Variants in POU2F1 observed in about 807,000 individuals in gnomAD.
The protein encoded by POU2F1 is POU class 2 homeobox 1.
In POU2F1, 16 loss-of-function variants were observed where a neutral mutation model predicts 84.9. The ratio of observed to expected loss-of-function variants is 0.19; its 90% confidence interval spans 0.13 to 0.29. The LOEUF (loss-of-function observed/expected upper bound fraction) is 0.29. Among genes scored for constraint, POU2F1 ranks in the 10% least tolerant of loss-of-function variants. The pLI is 1.00. For missense variants in POU2F1, 738 were observed against 942.6 expected, an observed-to-expected ratio of 0.78 and a Z score of 2.84; for synonymous variants, 368 against 368.3, an observed-to-expected ratio of 1.00 and a Z score of 0.01.
chr1:167,284,569 C>T (rs948920711), intron 1 of POU2F1, among the ~76,000 whole-genome samples: 2 of 151,984 alleles, frequency 1.3e-5, no homozygotes, highest in African/African-American at 4.8e-5. Flanking sequence ...TTTGCCTTTC[C>T]CATTGTGAAT....
intron 1 of POU2F1, among the ~76,000 whole-genome samples, chr1:167,241,239 T>C (rs1199230833): frequency 6.6e-6 from 1 of 152,218 alleles, no homozygotes; most frequent in Non-Finnish European, 1.5e-5. Flanking sequence ...GATTTGCCAG[T>C]GTAAAGCAAT....
chr1:167,365,431 C>A (rs1444469958), intron 2 of POU2F1, 36 bp from the exon 3 acceptor site: 19 of 1,443,806 alleles, frequency 1.3e-5, no homozygotes, highest in Non-Finnish European at 1.8e-5. Flanking sequence ...TCATTTATTT[C>A]TTTTAATAGT....
intron 1 of POU2F1, among the ~76,000 whole-genome samples, chr1:167,253,431 TGGGTTTTTTG>T (rs1175959751): frequency 6.9e-6 from 1 of 144,616 alleles, no homozygotes. Flanking sequence ...AATTGGTTAA[TGGGTTTTTTG>T]GGTTTTTTTG....
intron 8 of POU2F1, among the ~76,000 whole-genome samples, chr1:167,384,859 C>A (rs1647843078): frequency 6.6e-6 from 1 of 151,672 alleles, no homozygotes. Context: ...TGCAATAAGA[C>A]AATAAAATAA....
chr1:167,365,332 G>C (rs574053843), intron 2 of POU2F1, 135 bp from the exon 3 acceptor site: 14 of 542,872 alleles, frequency 2.6e-5, no homozygotes, highest in African/African-American at 2.6e-4. Flanking sequence ...CCTTTCTTTT[G>C]AATCCCTTCT....
intron 1 of POU2F1, among the ~76,000 whole-genome samples, chr1:167,235,503 G>A (rs187785430): frequency 2.2e-4 from 34 of 152,276 alleles, no homozygotes; most frequent in Non-Finnish European, 4.7e-4. Context: ...TATGCTGTTG[G>A]AATCACATCT....
chr1:167,413,506 A>G (rs553169884), intron 15 of POU2F1, among the ~76,000 whole-genome samples: 2 of 152,276 alleles, frequency 1.3e-5, no homozygotes, highest in African/African-American at 4.8e-5. Flanking sequence ...AAGACTCTCC[A>G]GTTCCCAGCT....
intron 1 of POU2F1, among the ~76,000 whole-genome samples, chr1:167,244,891 A>G (rs1377198767): frequency 1.3e-5 from 2 of 152,194 alleles, no homozygotes; most frequent in Non-Finnish European, 2.9e-5. Flanking sequence ...GAGTGCAGGT[A>G]AAATCAGGAA....
rs192169830 is a variant in POU2F1, at chr1:167,372,640, G to T, written c.402+604G>T. ...ATGTAAAACTTATAGAACGGTGCTT[G>T]GCATGTAGCATTCAACAAATATTGT... On this transcript the variant is annotated intron_variant, in intron 5 of 15. Coordinates refer to ENST00000367866, the MANE Select transcript of POU2F1 (RefSeq NM_002697.4). 4.7e-4 allele frequency among the ~76,000 whole-genome samples: 71 copies of T among 152,248 alleles called. 1 individual carries two copies. The highest frequency in any genetic ancestry group is 7.4e-4 in the Non-Finnish European group (50 of 68,000).
intron 2 of POU2F1, among the ~76,000 whole-genome samples, chr1:167,363,053 C>G (rs188349420): frequency 6.6e-6 from 1 of 152,100 alleles, no homozygotes; most frequent in East Asian, 1.9e-4. Flanking sequence ...CTCCTCCTCC[C>G]CCCCAAGGCA....
intron 1 of POU2F1, among the ~76,000 whole-genome samples, chr1:167,235,776 A>G (rs1649406062): frequency 6.6e-6 from 1 of 152,236 alleles, no homozygotes; most frequent in African/African-American, 2.4e-5. Flanking sequence ...TATTCTTTGC[A>G]GTAACTTGGA....
intron 5 of POU2F1, 150 bp downstream of exon 5, chr1:167,372,186 T>A: frequency 4.3e-6 from 4 of 940,904 alleles, no homozygotes; most frequent in Non-Finnish European, 4.6e-6. Flanking sequence ...ACACTGTAGG[T>A]AGTAAGTTGC....
intron 1 of POU2F1, among the ~76,000 whole-genome samples, chr1:167,253,875 G>A (rs191378356): frequency 2.0e-5 from 3 of 152,102 alleles, no homozygotes; most frequent in Non-Finnish European, 4.4e-5. Context: ...CCTCTAATAC[G>A]TATTTCATTT....
At chr1:167,369,684 G>C (rs1237345402) in intron 3 of POU2F1, among the ~76,000 whole-genome samples, 1 of 152,180 alleles carries the variant, frequency 6.6e-6, no homozygotes, top group African/African-American at 2.4e-5. Context: ...GGACTTGGCT[G>C]TGTGGGTGTG....
At chr1:167,377,917 T>G (rs1660436927) in intron 7 of POU2F1, among the ~76,000 whole-genome samples, 1 of 152,216 alleles carries the variant, frequency 6.6e-6, no homozygotes, top group Non-Finnish European at 1.5e-5. Flanking sequence ...CCGTTGTGTA[T>G]ATGCACCACA....
chr1:167,323,689 T>G (rs1161682786), intron 1 of POU2F1, among the ~76,000 whole-genome samples: 3 of 144,434 alleles, frequency 2.1e-5, no homozygotes, highest in African/African-American at 8.1e-5. Context: ...TTAATCACAC[T>G]ATTTATTTAT....
chr1:167,420,428 C>G lies in POU2F1; in HGVS notation c.*4618C>G, dbSNP rs537128552. 12 of 152,408 alleles carry G rather than the reference C, an allele frequency of 7.9e-5. No individual in the cohort carries two copies. Among genetic ancestry groups the G allele is most frequent in the African/African-American group, 2.6e-4 (11 of 41,530 alleles). The allele number at this position is 152,408 out of a possible 1,614,324, so 9.4% of individuals were successfully genotyped here. A position where few individuals can be genotyped will look rare whatever the true frequency, so the allele number is the denominator to read the frequency against. On this transcript the variant is annotated 3_prime_UTR_variant, in exon 16 of 16. Coordinates refer to ENST00000367866, the MANE Select transcript of POU2F1 (RefSeq NM_002697.4). ...CTGCCTGCCTTGGCCTCCCAAAGTG[C>G]TGGGATTACAGGTATGAGCCACTGT...
chr1:167,347,626 A>C (rs889544390), intron 2 of POU2F1, among the ~76,000 whole-genome samples: 1 of 152,198 alleles, frequency 6.6e-6, no homozygotes, highest in Non-Finnish European at 1.5e-5. Context: ...CAATCTATCC[A>C]GGTCCAAAAC....
At chr1:167,236,105 G>A (rs1196166077) in intron 1 of POU2F1, among the ~76,000 whole-genome samples, 1 of 151,732 alleles carries the variant, frequency 6.6e-6, no homozygotes, top group East Asian at 1.9e-4. Flanking sequence ...ACTCTAATTT[G>A]GACATCTTTT....
Sources: allele counts gnomAD v4.1 joint callset (sites outside exome capture counted in the v4.1 genomes callset), GRCh38; gene constraint gnomAD v4.1.1; transcripts MANE v1.5; gene names NCBI Gene and HGNC (gene_info 2026-07-23, HGNC 2026-07-21).